CCNT2: variants seen among roughly 807,000 people sequenced by gnomAD.
CCNT2 encodes cyclin T2.
A neutral mutation model predicts 70.0 loss-of-function variants in CCNT2; 18 were observed. The ratio of observed to expected loss-of-function variants is 0.26; its 90% CI spans 0.18 to 0.38. CCNT2 has a LOEUF of 0.38. CCNT2 is among the 10% of genes least tolerant of loss of function. The pLI, the probability that CCNT2 is intolerant of heterozygous loss-of-function variation, is 1.00. For missense variants in CCNT2, 734 were observed against 890.2 expected, an observed-to-expected ratio of 0.82 and a Z score of 2.23; for synonymous variants, 334 against 313.3, an observed-to-expected ratio of 1.07 and a Z score of -0.70.
Position 134,956,323 on chromosome 2 carries a change from T to A in CCNT2, c.*1675T>A, listed in dbSNP as rs1682922899. On this transcript the variant is annotated 3_prime_UTR_variant, in exon 9 of 9. Transcript: ENST00000264157. ...TTTTTAAAGATAATTGTTCATTATT[T>A]TGTCAATGTTATTTGAACTTGGGGT... 1 of 152,634 alleles carries A rather than the reference T, an allele frequency of 6.6e-6. No homozygotes were observed. Among genetic ancestry groups the A allele is most frequent in the Non-Finnish European group, 1.5e-5 (1 of 68,020 alleles). 9.5% of individuals were successfully genotyped at this position (152,634 alleles called of 1,614,324 possible).
intron 1 of CCNT2, 98 bp downstream of exon 1, chr2:134,919,110 G>T: frequency 1.5e-6 from 2 of 1,363,622 alleles, no homozygotes; most frequent in Admixed American, 2.4e-5. Context: ...CTCGGCCTTC[G>T]CTGGGCCTCG....
intron 2 of CCNT2, among the ~76,000 whole-genome samples, chr2:134,931,260 A>ATTTTTTTTTTTTTTTTT (rs1351628226): frequency 1.5e-3 from 64 of 42,888 alleles, no homozygotes; most frequent in East Asian, 4.0e-3. Flanking sequence ...CCATGCCCGG[A>ATTTTTTTTTTTTTTTTT]TCTTTTTTTT....
intron 7 of CCNT2, 84 bp from the exon 8 acceptor site, chr2:134,952,557 C>A: frequency 2.8e-6 from 2 of 719,760 alleles, no homozygotes; most frequent in Admixed American, 2.8e-5. Context: ...GAACTCCTAG[C>A]ATTCCTTTTT....
chr2:134,919,920 C>T (rs1679757142), intron 2 of CCNT2, 29 bp downstream of exon 2: 1 of 1,492,450 alleles, frequency 6.7e-7, no homozygotes, highest in Non-Finnish European at 9.3e-7. Flanking sequence ...TTTTTACTGT[C>T]CGCAAATTTG....
At chr2:134,953,044 A>G (rs1682643055) in intron 8 of CCNT2, 186 bp from the exon 9 acceptor site, 3 of 504,944 alleles carry the variant, frequency 5.9e-6, no homozygotes, top group Non-Finnish European at 6.8e-6. Flanking sequence ...GGTGTTTTCA[A>G]TTTTTTATAG....
rs1447864102 is a variant in CCNT2, at chr2:134,954,448, C to T, written c.1993C>T (p.Pro665Ser). ...ISSHNSVFNH[P>S]LPPPPPVTYQ... is the part of the protein sequence containing the mutation. ...CTCTCACAACTCTGTTTTTAACCAT[C>T]CCTTACCCCCTCCTCCCCCTGTCAC... Residue 665 changes from proline to serine, a missense_variant, in exon 9 of 9, where the codon CCC (proline) becomes TCC (serine). By Grantham distance (74) the Pro-to-Ser change is moderately conservative (BLOSUM62 -1). Around this residue, in one of 3 missense-constraint regions of CCNT2, gnomAD observed 532 missense variants for 556.9 expected, o/e 0.96. Coordinates refer to ENST00000264157, the MANE Select transcript of CCNT2 (RefSeq NM_058241.3). 6.2e-7 allele frequency: 1 copy of T among 1,614,132 alleles called. No homozygotes were observed. The highest frequency in any genetic ancestry group is 1.3e-5 in the African/African-American group (1 of 75,034).
At chr2:134,928,674 C>T (rs1680492727) in intron 2 of CCNT2, among the ~76,000 whole-genome samples, 1 of 151,970 alleles carries the variant, frequency 6.6e-6, no homozygotes, top group Non-Finnish European at 1.5e-5. Flanking sequence ...GTAATTCCTT[C>T]CAAAGGCAAA....
intron 7 of CCNT2, among the ~76,000 whole-genome samples, chr2:134,951,715 T>C (rs1682518112): frequency 1.3e-5 from 2 of 152,124 alleles, no homozygotes; most frequent in Non-Finnish European, 2.9e-5. Flanking sequence ...ATGCAAAATA[T>C]TGCATAGTTC....
intron 3 of CCNT2, among the ~76,000 whole-genome samples, chr2:134,937,752 T>G (rs1681267959): frequency 6.6e-6 from 1 of 152,196 alleles, no homozygotes; most frequent in East Asian, 1.9e-4. Flanking sequence ...CCATCTCTAC[T>G]AAAAATACAA....
intron 4 of CCNT2, among the ~76,000 whole-genome samples, chr2:134,940,780 C>T (rs1301096991): frequency 6.6e-6 from 1 of 152,068 alleles, no homozygotes; most frequent in African/African-American, 2.4e-5. Context: ...TACCATGGGA[C>T]CCATACAAAG....
intron 2 of CCNT2, among the ~76,000 whole-genome samples, chr2:134,922,170 T>C (rs1679960994): frequency 6.6e-6 from 1 of 152,180 alleles, no homozygotes; most frequent in Non-Finnish European, 1.5e-5. Flanking sequence ...TGAAATGTCA[T>C]GGTAAACTTT....
intron 2 of CCNT2, among the ~76,000 whole-genome samples, chr2:134,928,309 A>ATTTT (rs1680457642): frequency 1.1e-5 from 1 of 89,822 alleles, no homozygotes; most frequent in African/African-American, 4.4e-5. Context: ...ACGGAGTTTC[A>ATTTT]TTCTTGTTGC....
intron 5 of CCNT2, chr2:134,944,893 T>C: frequency 2.0e-6 from 2 of 985,312 alleles, no homozygotes; most frequent in Non-Finnish European, 2.4e-6. Context: ...TTAATTATTA[T>C]TTTTTCCTTC....
chr2:134,950,467 C>G (rs534983003), intron 7 of CCNT2, among the ~76,000 whole-genome samples: 1 of 152,094 alleles, frequency 6.6e-6, no homozygotes, highest in Admixed American at 6.6e-5. Context: ...GGCAAAACCA[C>G]GTTTCTACTA....
rs1682821627 is a variant in CCNT2 at position 134,954,722 on chromosome 2, C to G, written c.*74C>G. ...TTAGAATGGAAAAATTCCTTCTGAT[C>G]TAGCAGTGGTAACCCCTGCTGTTGC... On this transcript the variant is annotated 3_prime_UTR_variant, in exon 9 of 9. Coordinates refer to ENST00000264157, the MANE Select transcript of CCNT2 (RefSeq NM_058241.3). 2.1e-6 allele frequency: 2 copies of G among 958,112 alleles called. No individual in the cohort carries two copies. The highest frequency in any genetic ancestry group is 1.6e-6 in the Non-Finnish European group (1 of 615,184). The allele number at this position is 958,112 out of a possible 1,614,324, so 59.4% of individuals were successfully genotyped here.
chr2:134,949,809 G>GGC (rs1259739935), intron 7 of CCNT2, among the ~76,000 whole-genome samples: 7 of 135,520 alleles, frequency 5.2e-5, no homozygotes, highest in Non-Finnish European at 9.5e-5. Flanking sequence ...TTTCGGGGGG[G>GGC]GGGTGGGGGA....
intron 4 of CCNT2, among the ~76,000 whole-genome samples, chr2:134,940,184 C>T (rs1426846422): frequency 1.3e-5 from 2 of 152,198 alleles, no homozygotes. Context: ...TTGTGACAGA[C>T]TCTTCGTTAC....
At chr2:134,920,125 A>C in intron 2 of CCNT2, 1 of 388,752 alleles carries the variant, frequency 2.6e-6, no homozygotes, top group Non-Finnish European at 4.6e-6. Context: ...AAAAAGAAAA[A>C]CATTTATTTC....
At chr2:134,919,045 T>G in intron 1 of CCNT2, 33 bp downstream of exon 1, 1 of 1,565,934 alleles carries the variant, frequency 6.4e-7, no homozygotes, top group Non-Finnish European at 8.7e-7. Flanking sequence ...GCTCACGCCC[T>G]GTTTCCCTTG....
Sources: gnomAD v4.1 joint callset for allele counts (sites outside exome capture counted in the v4.1 genomes callset) on GRCh38, gnomAD v4.1.1 for gene constraint, gnomAD v4.1.1 regional missense constraint, MANE v1.5 for transcripts, NCBI Gene and HGNC (gene_info 2026-07-23, HGNC 2026-07-21) for gene names.